NRAP: variants seen among roughly 807,000 people sequenced by gnomAD.
NRAP encodes the protein nebulin related anchoring protein.
Under a neutral mutation model 225.9 loss-of-function variants are expected in NRAP, and 189 were observed. The ratio of observed to expected loss-of-function variants is 0.84; its 90% confidence interval spans 0.74 to 0.94. NRAP has a LOEUF of 0.94. Among genes scored for constraint, NRAP ranks in the 40% least tolerant of loss-of-function variants. The pLI, the probability that NRAP is intolerant of heterozygous loss-of-function variation, is 0.00. For missense variants in NRAP, 2,176 were observed against 2,168.7 expected (o/e 1.00, Z -0.07); for synonymous variants, 769 against 790.7 (o/e 0.97, Z 0.46).
At chr10:113,612,828 G>A (rs1847417246) in intron 29 of NRAP, among the ~76,000 whole-genome samples, 1 of 152,180 alleles carries the variant, frequency 6.6e-6, no homozygotes. Flanking sequence ...TCAGACACGA[G>A]GGATTCTCCT....
chr10:113,607,220 CAAA>C (rs1847027118), intron 32 of NRAP, among the ~76,000 whole-genome samples: 1 of 145,254 alleles, frequency 6.9e-6, no homozygotes, highest in Admixed American at 6.9e-5. Flanking sequence ...AACAAACAAA[CAAA>C]AACAAAACAA....
At chr10:113,597,279 G>A in intron 36 of NRAP, 95 bp from the exon 37 acceptor site, 2 of 774,808 alleles carry the variant, frequency 2.6e-6, no homozygotes, top group Admixed American at 3.7e-5. Context: ...TACCTAACAT[G>A]CCAATCATAT....
chr10:113,661,457 G>A (rs1377854193), intron 3 of NRAP, among the ~76,000 whole-genome samples: 1 of 152,146 alleles, frequency 6.6e-6, no homozygotes, highest in African/African-American at 2.4e-5. Context: ...GGCAGGGAAG[G>A]GAGTCAGTAT....
In NRAP at chr10:113,645,831, C is replaced by T; in HGVS notation, c.1104G>A (p.Val368=). ...LKQAQSVNKL[V]SEVEYKKDLE... ...ACTCTTCCCCCATACGCACCTCACT[C>T]ACGAGTTTGTTTACGCTCTGAGCCT... is the stretch of plus-strand genomic sequence containing the variant. Residue 368 remains valine, a synonymous_variant, in exon 11 of 42, where the codon GTG becomes GTA. Transcript: ENST00000359988. 6.4e-7 allele frequency: 1 copy of T among 1,568,098 alleles called. No individual in the cohort carries two copies. Among genetic ancestry groups the T allele is most frequent in the Non-Finnish European group, 8.8e-7 (1 of 1,141,574 alleles).
At chr10:113,608,649 T>C in intron 31 of NRAP, 137 bp from the exon 32 acceptor site, 1 of 633,176 alleles carries the variant, frequency 1.6e-6, no homozygotes, top group South Asian at 2.0e-5. Flanking sequence ...ATCCAGATTG[T>C]CACCTGCCTT....
intron 21 of NRAP, among the ~76,000 whole-genome samples, chr10:113,625,268 G>A (rs1345723352): frequency 1.3e-5 from 2 of 152,162 alleles, no homozygotes; most frequent in African/African-American, 4.8e-5. Context: ...CCCCACCAGG[G>A]GGTTCAGATT....
chr10:113,649,079 A>C (rs867416144), intron 9 of NRAP, among the ~76,000 whole-genome samples: 14 of 152,240 alleles, frequency 9.2e-5, no homozygotes, highest in Non-Finnish European at 1.8e-4. Flanking sequence ...GCACTAAAAG[A>C]CCACTTAATT....
chr10:113,621,956 G>C lies in NRAP; in HGVS notation c.2682C>G (p.Gly894=). 6.2e-7 allele frequency: 1 copy of C among 1,614,210 alleles called. No homozygotes were observed. The highest frequency in any genetic ancestry group is 1.3e-5 in the African/African-American group (1 of 75,056). Residue 894 remains glycine (G), a synonymous_variant, in exon 24 of 42, where the codon GGC becomes GGG. Transcript: ENST00000359988. ...TAAAGTGATGTTCCGCTGTCTTGTA[G>C]CCTACGTCTGTGGCTAAATGCTGAG... ...RKAQHLATDV[G]YKTAEHHFTA...
In NRAP at chr10:113,612,414, G is replaced by A. The variant is rs768202607; in HGVS notation, c.3318C>T (p.Gly1106=). ...SLQSDVNYKK[G]FEHSKAQFHL... Reference sequence around the variant, plus strand: ...GGAACTGCGCCTTTGAGTGTTCAAAGCCTTTCTTGTAATTCACCTAGAGGG... The same window carrying A: ...GGAACTGCGCCTTTGAGTGTTCAAAACCTTTCTTGTAATTCACCTAGAGGG... The change falls in exon 30 of 42, where the codon GGC becomes GGT. Residue 1106 remains glycine (G), a synonymous_variant. Coordinates refer to ENST00000359988, the MANE Select transcript of NRAP (RefSeq NM_198060.4). 6.2e-7 allele frequency: 1 copy of A among 1,614,052 alleles called. No homozygotes were observed. The highest frequency in any genetic ancestry group is 8.5e-7 in the Non-Finnish European group (1 of 1,179,968).
chr10:113,619,167 T>C (rs560081454), intron 25 of NRAP, among the ~76,000 whole-genome samples: 1 of 152,236 alleles, frequency 6.6e-6, no homozygotes, highest in East Asian at 1.9e-4. Flanking sequence ...GGATACATGG[T>C]CCCCTGAAGA....
Position 113,644,772 on chromosome 10 carries a change from TA to T in NRAP, c.1110+1052del, listed in dbSNP as rs60629218. On this transcript the variant is annotated intron_variant, in intron 11 of 41. Coordinates refer to ENST00000359988, the MANE Select transcript of NRAP (RefSeq NM_198060.4). ...CAGTTTAGGGTAAAGGACCAGCTTT[TA>T]GAGGTTAGAGACGGAAAATATTTTT... 4.1e-4 allele frequency among the ~76,000 whole-genome samples: 63 copies of T among 152,320 alleles called. No individual in the cohort carries two copies. The East Asian group carries it at 0.01, about 25-fold the overall frequency.
intron 24 of NRAP, 46 bp downstream of exon 24, chr10:113,621,820 CACA>C (rs745729108): frequency 2.0e-5 from 31 of 1,530,356 alleles, no homozygotes; most frequent in Non-Finnish European, 2.8e-5. Flanking sequence ...CTAGCACACA[CACA>C]ACACACACAT....
At chr10:113,635,469 C>T (rs1564740926) in intron 14 of NRAP, among the ~76,000 whole-genome samples, 1 of 152,220 alleles carries the variant, frequency 6.6e-6, no homozygotes, top group Non-Finnish European at 1.5e-5. Context: ...ACTATGTCAC[C>T]TAGGTGGGAA....
rs769114892 is a variant in NRAP at position 113,590,874 on chromosome 10, C to T, written c.4660G>A (p.Ala1554Thr). The change falls in exon 40 of 42, where the codon GCT (alanine) becomes ACT (threonine). Residue 1554 changes from alanine (A) to threonine (T), a missense_variant. By Grantham distance (58) the Ala-to-Thr change is moderately conservative. This residue lies in a region of NRAP where 445 missense variants were observed against 426.1 expected (regional missense o/e 1.04). Transcript: ENST00000359988. ...EIASDFRYKEAFLRDRGLQIG... is the reference protein window; with the variant it reads ...EIASDFRYKETFLRDRGLQIG... Reference sequence around the variant, plus strand: ...TGCAGGCCTCGGTCCCGCAGGAAAGCCTCTTTGTACCGGAACTGCAAGTCA... The same window carrying T: ...TGCAGGCCTCGGTCCCGCAGGAAAGTCTCTTTGTACCGGAACTGCAAGTCA... 5 of 1,613,690 alleles carry T rather than the reference C, an allele frequency of 3.1e-6. No individual in the cohort carries two copies. Among genetic ancestry groups the T allele is most frequent in the Admixed American group, 3.3e-5 (2 of 60,020 alleles).
At chr10:113,623,869 C>A (rs1274465657) in intron 22 of NRAP, among the ~76,000 whole-genome samples, 1 of 152,180 alleles carries the variant, frequency 6.6e-6, no homozygotes, top group Non-Finnish European at 1.5e-5. Flanking sequence ...ACTCCAGAAG[C>A]CTTAACAAAT....
intron 13 of NRAP, among the ~76,000 whole-genome samples, chr10:113,640,967 A>C (rs968411761): frequency 2.0e-5 from 3 of 152,224 alleles, no homozygotes; most frequent in Non-Finnish European, 4.4e-5. Flanking sequence ...AAAAAAATGA[A>C]TGAAGGAACA....
chr10:113,609,656 C>A lies in NRAP; in HGVS notation c.3603+803G>T, dbSNP rs140941320. ...GCACAGTGCTTAGATTAGTGCTAAT[C>A]CTCACAAAAATTAAAAGAGAGGGGT... On this transcript the variant is annotated intron_variant, in intron 31 of 41. Transcript: ENST00000359988. Among the ~76,000 whole-genome samples the A allele has an allele frequency of 2.0e-3, 304 of 152,266 alleles. 2 individuals carry two copies. Among genetic ancestry groups the A allele is most frequent in the African/African-American group, 7.0e-3 (291 of 41,556 alleles).
chr10:113,632,351 C>T (rs1250478412), intron 16 of NRAP, among the ~76,000 whole-genome samples: 3 of 152,224 alleles, frequency 2.0e-5, no homozygotes, highest in Non-Finnish European at 4.4e-5. Context: ...ACTGGTGAAG[C>T]ATAACATAAG....
chr10:113,650,922 G>A (rs1379882697), intron 7 of NRAP, among the ~76,000 whole-genome samples: 3 of 152,302 alleles, frequency 2.0e-5, no homozygotes, highest in Non-Finnish European at 2.9e-5. Flanking sequence ...CATGTATGAC[G>A]CAGAAGCTGG....
Sources: allele counts gnomAD v4.1 joint callset (sites outside exome capture counted in the v4.1 genomes callset), GRCh38; gene constraint gnomAD v4.1.1; regional missense constraint gnomAD v4.1.1; transcripts MANE v1.5; gene names NCBI Gene and HGNC (gene_info 2026-07-23, HGNC 2026-07-21).